Variants in CATSPER4 observed in about 807,000 individuals in gnomAD.
The protein encoded by CATSPER4 is cation channel sperm associated 4.
A neutral mutation model predicts 54.4 loss-of-function variants in CATSPER4; 46 were observed. That is an observed-to-expected ratio of 0.84 (90% confidence interval 0.67 to 1.08). The LOEUF (loss-of-function observed/expected upper bound fraction) is 1.08. Among genes scored for constraint, CATSPER4 ranks in the 50% least tolerant of loss-of-function variants. CATSPER4 has a pLI of 0.00. For missense variants in CATSPER4, 574 were observed against 612.8 expected (o/e 0.94, Z 0.67); for synonymous variants, 230 against 231.9 (o/e 0.99, Z 0.08).
intron 1 of CATSPER4, 31 bp downstream of exon 1, chr1:26,190,871 C>T (rs745676919): frequency 6.4e-7 from 1 of 1,565,270 alleles, no homozygotes; most frequent in African/African-American, 1.4e-5. Flanking sequence ...ACAGTGGCCC[C>T]TTCTGCAGCT....
At position 26,198,051 on chromosome 1, in the gene CATSPER4, A is replaced by G. The variant is rs754218493; in HGVS notation, c.652A>G (p.Met218Val). The stretch of plus-strand genomic sequence containing the variant: ...GTCGGTGCCTGACATGGCCAATATC[A>G]TGGTCCTCATCCTCTTCTTCATGCT... ...LQSVPDMANIMVLILFFMLVF... is the reference protein window; with the variant it reads ...LQSVPDMANIVVLILFFMLVF... The change falls in exon 5 of 10, where the codon ATG (methionine) becomes GTG (valine). Residue 218 changes from methionine (M) to valine (V), a missense_variant. Transcript: ENST00000456354. 1 of 1,613,598 alleles carries G rather than the reference A, an allele frequency of 6.2e-7. No homozygotes were observed. Among genetic ancestry groups the G allele is most frequent in the Non-Finnish European group, 8.5e-7 (1 of 1,179,574 alleles).
At chr1:26,197,239 T>C (rs2088953012) in intron 3 of CATSPER4, among the ~76,000 whole-genome samples, 1 of 152,196 alleles carries the variant, frequency 6.6e-6, no homozygotes, top group African/African-American at 2.4e-5. Context: ...GTGAGAGCTA[T>C]TTCACCTCAG....
In CATSPER4 at chr1:26,200,926, G is replaced by A; in HGVS notation, c.1084G>A (p.Ala362Thr). 6.2e-7 allele frequency: 1 copy of A among 1,614,104 alleles called. No homozygotes were observed. Among genetic ancestry groups the A allele is most frequent in the Non-Finnish European group, 8.5e-7 (1 of 1,180,004 alleles). ...EKSGLLQEPL[A>T]GGPLSNLSEN... ...ATCTGGTCTCCTCCAGGAACCCCTT[G>A]CGGGAGGCCCCCTGTCGAACCTCTC... Residue 362 changes from alanine to threonine, a missense_variant, in exon 8 of 10, where the codon GCG (alanine) becomes ACG (threonine). Coordinates refer to ENST00000456354, the MANE Select transcript of CATSPER4 (RefSeq NM_198137.2).
chr1:26,193,516 G>A (rs1335743543), intron 2 of CATSPER4, among the ~76,000 whole-genome samples: 3 of 152,148 alleles, frequency 2.0e-5, no homozygotes, highest in Admixed American at 6.5e-5. Flanking sequence ...GCACACAGGC[G>A]CCACTCTGAT....
At position 26,190,782 on chromosome 1, in the gene CATSPER4, C is replaced by G; in HGVS notation, c.155C>G (p.Ser52Cys). ...CCCCTGCAGAGTACCATTCACGAGT[C>G]CTACGGTCGGCCAGAGGAGCAAGTG... ...PSPLQSTIHE[S>C]YGRPEEQVLI... is the part of the protein sequence containing the mutation. Residue 52 changes from serine to cysteine, a missense_variant, in exon 1 of 10, where the codon TCC becomes TGC. Coordinates refer to ENST00000456354, the MANE Select transcript of CATSPER4 (RefSeq NM_198137.2). The G allele has an allele frequency of 6.2e-7, 1 of 1,613,404 alleles. No homozygotes were observed. Among genetic ancestry groups the G allele is most frequent in the Non-Finnish European group, 8.5e-7 (1 of 1,179,822 alleles).
chr1:26,198,020 C>T lies in CATSPER4; in HGVS notation c.621C>T (p.Ile207=), dbSNP rs2088963483. 2 of 1,613,986 alleles carry T rather than the reference C, an allele frequency of 1.2e-6. No individual in the cohort carries two copies. The highest frequency in any genetic ancestry group is 1.3e-5 in the African/African-American group (1 of 74,912). The change falls in exon 5 of 10, where the codon ATC becomes ATT. Residue 207 remains isoleucine, a synonymous_variant. Coordinates refer to ENST00000456354, the MANE Select transcript of CATSPER4 (RefSeq NM_198137.2). ...VEPLARIIRV[I]LQSVPDMANI... ...CCCTCGCCCGGATCATCCGCGTCAT[C>T]CTGCAGTCGGTGCCTGACATGGCCA...
chr1:26,195,694 G>A (rs1363236545), intron 3 of CATSPER4, among the ~76,000 whole-genome samples: 3 of 151,990 alleles, frequency 2.0e-5, no homozygotes, highest in African/African-American at 7.3e-5. Context: ...GTAGAGACGG[G>A]GGTCTCACCG....
At chr1:26,196,905 TTTTC>T (rs1351957339) in intron 3 of CATSPER4, among the ~76,000 whole-genome samples, 4 of 109,990 alleles carry the variant, frequency 3.6e-5, no homozygotes, top group Non-Finnish European at 5.5e-5. Context: ...CCTTTCTTTC[TTTTC>T]TTTCTTTTTT....
intron 3 of CATSPER4, among the ~76,000 whole-genome samples, chr1:26,197,083 T>C (rs1332183365): frequency 3.3e-5 from 5 of 151,946 alleles, no homozygotes; most frequent in Non-Finnish European, 5.9e-5. Context: ...AATTTTTGTA[T>C]TTTTAGTAGA....
At chr1:26,191,903 CAG>C (rs2088873284) in intron 2 of CATSPER4, among the ~76,000 whole-genome samples, 2 of 152,100 alleles carry the variant, frequency 1.3e-5, no homozygotes, top group Admixed American at 1.3e-4. Context: ...AACCTAATCT[CAG>C]GGGTCAGAGC....
At chr1:26,200,717 G>A (rs2088996960) in intron 7 of CATSPER4, 113 bp from the exon 8 acceptor site, 5 of 488,646 alleles carry the variant, frequency 1.0e-5, no homozygotes, top group East Asian at 5.1e-5. Context: ...CTGAAATGAG[G>A]GCCTTAGAAC....
intron 2 of CATSPER4, among the ~76,000 whole-genome samples, chr1:26,193,242 C>T (rs1261051848): frequency 6.6e-6 from 1 of 152,042 alleles, no homozygotes; most frequent in East Asian, 1.9e-4. Context: ...CCAATTCATC[C>T]ATCCAGGGTG....
intron 6 of CATSPER4, 142 bp downstream of exon 6, chr1:26,198,561 G>C: frequency 9.5e-7 from 1 of 1,047,332 alleles, no homozygotes; most frequent in Non-Finnish European, 1.4e-6. Context: ...TTAAACAGAG[G>C]AAAAGGAAAT....
At position 26,202,625 on chromosome 1, in the gene CATSPER4, G is replaced by T; in HGVS notation, c.*83G>T. ...TGTGTCCTTAGTGTGGCTTGGCAGA[G>T]CCTGGCCAGAGCCCATCCTCTCCCT... On this transcript the variant is annotated 3_prime_UTR_variant, in exon 10 of 10. Coordinates refer to ENST00000456354, the MANE Select transcript of CATSPER4 (RefSeq NM_198137.2). 1 of 1,356,764 alleles carries T rather than the reference G, an allele frequency of 7.4e-7. No individual in the cohort carries two copies. Among genetic ancestry groups the T allele is most frequent in the Non-Finnish European group, 1.0e-6 (1 of 965,862 alleles). 84.0% of individuals were successfully genotyped at this position (1,356,764 alleles called of 1,614,324 possible). A position where few individuals can be genotyped will look rare whatever the true frequency, so the allele number is the denominator to read the frequency against.
In CATSPER4 at chr1:26,199,016, G is replaced by T. The variant is rs183205918; in HGVS notation, c.812+597G>T. ...GGCATAGGTAGTGGATAAAAATCAG[G>T]CTGGCCGGGGCCGGGCGCGGTGGCT... On this transcript the variant is annotated intron_variant, in intron 6 of 9. Coordinates refer to ENST00000456354, the MANE Select transcript of CATSPER4 (RefSeq NM_198137.2). Among the ~76,000 whole-genome samples the T allele has an allele frequency of 3.3e-3, 506 of 152,298 alleles. 2 individuals are homozygous for T. The highest frequency in any genetic ancestry group is 0.01 in the Admixed American group (160 of 15,296).
Position 26,202,889 on chromosome 1 carries a change from C to G in CATSPER4, c.*347C>G. 2.6e-6 allele frequency: 1 copy of G among 377,592 alleles called. No individual in the cohort carries two copies. The highest frequency in any genetic ancestry group is 4.0e-5 in the Admixed American group (1 of 24,928). The allele number at this position is 377,592 out of a possible 1,614,324, so 23.4% of individuals were successfully genotyped here. ...GAGCTGGTGGGGGGCCTCAGTGGGC[C>G]CCAGAACCAAGAAGAGAAAGGCAAG... On this transcript the variant is annotated 3_prime_UTR_variant, in exon 10 of 10. Transcript: ENST00000456354.
chr1:26,202,556 G>C lies in CATSPER4; in HGVS notation c.*14G>C. ...AGCAGCCACTGAGAGGCCAGGATGG[G>C]AGCCAAGGGGCCTGCACACACACAC... is the stretch of plus-strand genomic sequence containing the variant. On this transcript the variant is annotated 3_prime_UTR_variant, in exon 10 of 10. Coordinates refer to ENST00000456354, the MANE Select transcript of CATSPER4 (RefSeq NM_198137.2). 6.2e-7 allele frequency: 1 copy of C among 1,607,946 alleles called. No individual in the cohort carries two copies. The highest frequency in any genetic ancestry group is 8.5e-7 in the Non-Finnish European group (1 of 1,176,652).
At chr1:26,193,735 G>T in intron 2 of CATSPER4, 52 bp from the exon 3 acceptor site, 1 of 1,212,752 alleles carries the variant, frequency 8.2e-7, no homozygotes, top group South Asian at 1.2e-5. Flanking sequence ...GCTTGCCCAG[G>T]CCCTGCTCCA....
In CATSPER4 at chr1:26,202,613, T is replaced by C; in HGVS notation, c.*71T>C. On this transcript the variant is annotated 3_prime_UTR_variant, in exon 10 of 10. Coordinates refer to ENST00000456354, the MANE Select transcript of CATSPER4 (RefSeq NM_198137.2). Reference sequence around the variant, plus strand: ...GCTGCGTCTTCCTGTGTCCTTAGTGTGGCTTGGCAGAGCCTGGCCAGAGCC... The same window carrying C: ...GCTGCGTCTTCCTGTGTCCTTAGTGCGGCTTGGCAGAGCCTGGCCAGAGCC... 1 of 1,452,992 alleles carries C rather than the reference T, an allele frequency of 6.9e-7. No homozygotes were observed. Among genetic ancestry groups the C allele is most frequent in the Non-Finnish European group, 9.5e-7 (1 of 1,050,038 alleles). The allele number at this position is 1,452,992 out of a possible 1,614,324, so 90.0% of individuals were successfully genotyped here.
Sources: allele counts gnomAD v4.1 joint callset (sites outside exome capture counted in the v4.1 genomes callset), GRCh38; gene constraint gnomAD v4.1.1; transcripts MANE v1.5; gene names NCBI Gene and HGNC (gene_info 2026-07-23, HGNC 2026-07-21).